Variants in SORCS2 observed in about 807,000 individuals in gnomAD.
SORCS2 encodes VPS10 domain-containing receptor SorCS2.
SORCS2 carries 100 observed loss-of-function variants against 141.6 expected under a neutral mutation model. The ratio of observed to expected loss-of-function variants is 0.71; its 90% CI spans 0.60 to 0.83. The LOEUF (loss-of-function observed/expected upper bound fraction) is 0.83, where lower values mean the gene tolerates loss of function less well. SORCS2 is among the 40% of genes least tolerant of loss of function. The probability of loss-of-function intolerance (pLI) is 0.00; values close to 1 mark genes in which losing one functional copy is unlikely to be tolerated. For missense variants in SORCS2, 1,646 were observed against 1,560.2 expected (o/e 1.05, Z -0.93); for synonymous variants, 789 against 676.9 (o/e 1.17, Z -2.57).
chr4:7,654,746 C>T (rs2108900478), intron 5 of SORCS2, among the ~76,000 whole-genome samples: 1 of 152,322 alleles, frequency 6.6e-6, no homozygotes, highest in Middle Eastern at 3.4e-3. Context: ...TTCCCAGCCC[C>T]TACTGGGTGC....
chr4:7,580,450 A>C (rs778412811), intron 3 of SORCS2, among the ~76,000 whole-genome samples: 10 of 152,066 alleles, frequency 6.6e-5, no homozygotes, highest in Non-Finnish European at 1.2e-4. Context: ...AGATCATGCC[A>C]CCACACTCCA....
rs529468109 is a variant in SORCS2, at chr4:7,704,053, C to T, written c.1761-124C>T. ...GATGTGACATAAGCAGATGTGGTAT[C>T]ACCTGCACTGGCAAGGTTGGCTAGT... On this transcript the variant is annotated intron_variant, in intron 13 of 26. Transcript: ENST00000507866. 4.0e-6 allele frequency: 3 copies of T among 750,606 alleles called. No individual in the cohort carries two copies. The South Asian group carries it at 4.5e-5, about 11-fold the overall frequency. 46.5% of individuals were successfully genotyped at this position (750,606 alleles called of 1,614,324 possible).
At chr4:7,299,548 C>T (rs1577371742) in intron 1 of SORCS2, among the ~76,000 whole-genome samples, 2 of 152,226 alleles carry the variant, frequency 1.3e-5, no homozygotes, top group African/African-American at 2.4e-5. Context: ...CTCTAGGAAG[C>T]GAGAGCATGT....
chr4:7,715,471 A>G (rs1433371188), intron 17 of SORCS2, among the ~76,000 whole-genome samples, 160 bp downstream of exon 17: 4 of 152,204 alleles, frequency 2.6e-5, no homozygotes, highest in Non-Finnish European at 5.9e-5. Context: ...CTCACAGCAC[A>G]GAGCCTGGCT....
intron 2 of SORCS2, among the ~76,000 whole-genome samples, chr4:7,446,807 G>A (rs1001936347): frequency 2.0e-5 from 3 of 152,234 alleles, no homozygotes; most frequent in Admixed American, 6.5e-5. Flanking sequence ...GAAACCCCGG[G>A]ACATGGAGAT....
At chr4:7,416,783 C>T (rs1185504398) in intron 2 of SORCS2, among the ~76,000 whole-genome samples, 6 of 122,086 alleles carry the variant, frequency 4.9e-5, no homozygotes, top group East Asian at 2.5e-4. Context: ...CATGTACACA[C>T]ACGCTTGTGC....
intron 1 of SORCS2, among the ~76,000 whole-genome samples, chr4:7,380,714 G>A (rs1463756273): frequency 6.6e-6 from 1 of 152,224 alleles, no homozygotes; most frequent in East Asian, 1.9e-4. Context: ...GTTTATTTTT[G>A]TAGTTACCTT....
chr4:7,693,863 C>T (rs1724421407), intron 11 of SORCS2, among the ~76,000 whole-genome samples: 1 of 152,250 alleles, frequency 6.6e-6, no homozygotes. Flanking sequence ...GCGAGAAGCC[C>T]TTGGGCCTGG....
intron 1 of SORCS2, among the ~76,000 whole-genome samples, chr4:7,247,319 C>A (rs1336524760): frequency 6.7e-6 from 1 of 148,586 alleles, no homozygotes; most frequent in South Asian, 2.1e-4. Flanking sequence ...TTTTTTTTTG[C>A]CTTTATTGGA....
chr4:7,724,130 G>GTGT (rs1726810830), intron 19 of SORCS2, among the ~76,000 whole-genome samples: 1 of 142,490 alleles, frequency 7.0e-6, no homozygotes, highest in African/African-American at 2.7e-5. Context: ...GGTGGTGGTG[G>GTGT]TGGTGGTGGT....
chr4:7,220,454 CA>C (rs1286643840), intron 1 of SORCS2, among the ~76,000 whole-genome samples: 1 of 152,002 alleles, frequency 6.6e-6, no homozygotes, highest in East Asian at 1.9e-4. Flanking sequence ...GAAGTCCTGG[CA>C]GGGGGAGAAG....
At chr4:7,473,898 A>G (rs941216071) in intron 2 of SORCS2, among the ~76,000 whole-genome samples, 1 of 152,194 alleles carries the variant, frequency 6.6e-6, no homozygotes, top group Admixed American at 6.5e-5. Flanking sequence ...CTTCCAGTGC[A>G]TTCTGCACAC....
At chr4:7,425,223 G>C (rs1726347959) in intron 2 of SORCS2, among the ~76,000 whole-genome samples, 1 of 152,202 alleles carries the variant, frequency 6.6e-6, no homozygotes, top group African/African-American at 2.4e-5. Flanking sequence ...CAAATCCCTG[G>C]CCCTTGATCG....
intron 2 of SORCS2, among the ~76,000 whole-genome samples, chr4:7,482,934 C>A (rs972051978): frequency 1.3e-5 from 2 of 152,212 alleles, no homozygotes; most frequent in African/African-American, 4.8e-5. Context: ...CAGAAAGGGA[C>A]CTTCTTTGGA....
At chr4:7,493,570 A>G (rs931256466) in intron 2 of SORCS2, among the ~76,000 whole-genome samples, 1 of 152,104 alleles carries the variant, frequency 6.6e-6, no homozygotes, top group African/African-American at 2.4e-5. Flanking sequence ...CAGTTTCCCC[A>G]GCTGGAGGAT....
chr4:7,661,877 T>G (rs961011970), intron 6 of SORCS2, among the ~76,000 whole-genome samples: 4 of 151,552 alleles, frequency 2.6e-5, no homozygotes, highest in African/African-American at 7.3e-5. Context: ...GGGGCGGGGG[T>G]GGGGGCACGG....
Position 7,720,007 on chromosome 4 carries a change from G to C in SORCS2, c.2424+1824G>C, listed in dbSNP as rs114687677. ...GAAGCTGGTGGGAGTGTAGGATCCA[G>C]GTCCGAGGCACACACTCACTGGTAC... On this transcript the variant is annotated intron_variant, in intron 18 of 26. Coordinates refer to ENST00000507866, the MANE Select transcript of SORCS2 (RefSeq NM_020777.3). Among the ~76,000 whole-genome samples, 946 of 152,172 alleles carry C rather than the reference G, an allele frequency of 6.2e-3. 15 individuals are homozygous for C. Among genetic ancestry groups the C allele is most frequent in the African/African-American group, 0.022 (893 of 41,506 alleles).
intron 11 of SORCS2, among the ~76,000 whole-genome samples, chr4:7,696,641 C>T (rs979298879): frequency 2.0e-5 from 3 of 152,182 alleles, no homozygotes; most frequent in African/African-American, 7.2e-5. Flanking sequence ...CTCCAGTAAA[C>T]CCAAACCACA....
At chr4:7,444,334 G>A (rs1727861593) in intron 2 of SORCS2, among the ~76,000 whole-genome samples, 1 of 152,196 alleles carries the variant, frequency 6.6e-6, no homozygotes, top group South Asian at 2.1e-4. Context: ...GATGAGTGAG[G>A]TGGAGAGGTG....
Sources: allele counts gnomAD v4.1 joint callset (sites outside exome capture counted in the v4.1 genomes callset), GRCh38; gene constraint gnomAD v4.1.1; transcripts MANE v1.5; gene names NCBI Gene and HGNC (gene_info 2026-07-23, HGNC 2026-07-21).